Variants in LONRF2 observed in about 807,000 individuals in gnomAD.
LONRF2 encodes the protein LON peptidase N-terminal domain and RING finger protein 2.
In LONRF2, 35 loss-of-function variants were observed where a neutral mutation model predicts 66.6. The ratio of observed to expected loss-of-function variants is 0.53; its 90% CI spans 0.40 to 0.70. The LOEUF is 0.70. Ranked by LOEUF, LONRF2 falls within the 30% of genes least tolerant of loss-of-function variation. LONRF2 has a pLI of 0.00. For synonymous variants in LONRF2, 417 were observed against 418.1 expected, an observed-to-expected ratio of 1.00 and a Z score of 0.03; for missense variants, 902 against 1,002.1, an observed-to-expected ratio of 0.90 and a Z score of 1.35.
At position 100,290,150 on chromosome 2, in the gene LONRF2, A is replaced by C. The variant is rs1674929136; in HGVS notation, c.1920+108T>G. 14 of 1,023,962 alleles carry C rather than the reference A, an allele frequency of 1.4e-5. 1 individual carries two copies. The South Asian group carries it at 2.5e-4, about 18-fold the overall frequency. 63.4% of individuals were successfully genotyped at this position (1,023,962 alleles called of 1,614,324 possible). The stretch of plus-strand genomic sequence containing the variant: ...AAATAAATAACTTAAGTGATGAATT[A>C]AGGACTTAAGTAATATTGTCAGTAC... On this transcript the variant is annotated intron_variant, in intron 10 of 11. Coordinates refer to ENST00000393437, the MANE Select transcript of LONRF2 (RefSeq NM_198461.4).
At chr2:100,285,770 C>G (rs912905959) in intron 11 of LONRF2, among the ~76,000 whole-genome samples, 6 of 152,212 alleles carry the variant, frequency 3.9e-5, no homozygotes, top group Non-Finnish European at 8.8e-5. Context: ...CCCCCACAAC[C>G]TCCAAAGAGA....
chr2:100,312,106 T>G (rs1675421840), intron 1 of LONRF2, among the ~76,000 whole-genome samples: 1 of 152,164 alleles, frequency 6.6e-6, no homozygotes, highest in African/African-American at 2.4e-5. Flanking sequence ...AAGATGGAAA[T>G]TAGTCACTGA....
In LONRF2 at chr2:100,318,026, C is replaced by A. The variant is rs116294045; in HGVS notation, c.679+3389G>T. ...AGTTTCTCATCAGATTTGGAAAATT[C>A]TCAATTACTTTTTTCTTTAAATATT... On this transcript the variant is annotated intron_variant, in intron 1 of 11. Coordinates refer to ENST00000393437, the MANE Select transcript of LONRF2 (RefSeq NM_198461.4). Among the ~76,000 whole-genome samples, 822 of 152,304 alleles carry A rather than the reference C, an allele frequency of 5.4e-3. 7 individuals carry two copies. Among genetic ancestry groups the A allele is most frequent in the African/African-American group, 0.019 (786 of 41,576 alleles).
In LONRF2 at chr2:100,299,869, A is replaced by T; in HGVS notation, c.1115T>A (p.Leu372Ter). The T allele has an allele frequency of 6.2e-7, 1 of 1,612,590 alleles. No homozygotes were observed. ...DMLGNTNSSV[L>*]YFILGLHFEE... ...AAAGTGTAGACCCAGTATAAAATAC[A>T]AAACTGAAGAATTGGTATTTCCAAG... The change falls in exon 5 of 12, where the codon TTG (leucine) becomes TAG (stop). Residue 372 changes from leucine to a stop codon, truncating the protein, a stop_gained. Transcript: ENST00000393437. LOFTEE classifies it high-confidence loss of function.
At chr2:100,305,161 G>GAGATAGAC (rs1247948037) in intron 2 of LONRF2, among the ~76,000 whole-genome samples, 1 of 152,134 alleles carries the variant, frequency 6.6e-6, no homozygotes, top group Non-Finnish European at 1.5e-5. Flanking sequence ...TGCAGCTGTG[G>GAGATAGAC]AGATAGACAG....
At chr2:100,292,091 T>C (rs1240576503) in intron 9 of LONRF2, among the ~76,000 whole-genome samples, 4 of 152,236 alleles carry the variant, frequency 2.6e-5, no homozygotes, top group Non-Finnish European at 4.4e-5. Context: ...GCCACCTGGA[T>C]GCCTCTACTT....
chr2:100,321,994 A>C lies in LONRF2; in HGVS notation c.100T>G (p.Phe34Val). Reference protein sequence around the residue: ...AQRLEEGDEAFRAGDYEMAAE... With the variant: ...AQRLEEGDEAVRAGDYEMAAE... Reference sequence around the variant, plus strand: ...GCCATCTCGTAGTCGCCCGCGCGGAAGGCCTCGTCGCCCTCCTCTAAGCGC... The same window carrying C: ...GCCATCTCGTAGTCGCCCGCGCGGACGGCCTCGTCGCCCTCCTCTAAGCGC... Residue 34 changes from phenylalanine (F) to valine (V), a missense_variant, in exon 1 of 12, where the codon TTC (phenylalanine) becomes GTC (valine). By Grantham distance (50) the Phe-to-Val change is conservative (BLOSUM62 -1). Around this residue, in one of 2 missense-constraint regions of LONRF2, gnomAD observed 585 missense variants for 569.9 expected, o/e 1.03. Coordinates refer to ENST00000393437, the MANE Select transcript of LONRF2 (RefSeq NM_198461.4). The C allele has an allele frequency of 6.8e-7, 1 of 1,461,386 alleles. No individual in the cohort carries two copies. The highest frequency in any genetic ancestry group is 9.0e-7 in the Non-Finnish European group (1 of 1,108,284). The allele number at this position is 1,461,386 out of a possible 1,614,324, so 90.5% of individuals were successfully genotyped here. A position where few individuals can be genotyped will look rare whatever the true frequency, so the allele number is the denominator to read the frequency against.
chr2:100,283,350 A>AT lies in LONRF2; in HGVS notation c.*947dup, dbSNP rs1159210596. ...TAGATAGATTACCATGGCATGGCAGATTTTTTAATGTTTTTGTATATTAAT... is the reference window on the plus strand; with the variant it reads ...TAGATAGATTACCATGGCATGGCAGATTTTTTTAATGTTTTTGTATATTAAT... On this transcript the variant is annotated 3_prime_UTR_variant, in exon 12 of 12. Coordinates refer to ENST00000393437, the MANE Select transcript of LONRF2 (RefSeq NM_198461.4). 2 of 152,174 alleles carry AT rather than the reference A, an allele frequency of 1.3e-5. No individual in the cohort carries two copies. The highest frequency in any genetic ancestry group is 4.8e-5 in the African/African-American group (2 of 41,442). The allele number at this position is 152,174 out of a possible 1,614,324, so 9.4% of individuals were successfully genotyped here.
Position 100,304,625 on chromosome 2 carries a change from GT to G in LONRF2, c.799-1583del, listed in dbSNP as rs3039612. 1.1e-3 allele frequency among the ~76,000 whole-genome samples: 130 copies of G among 121,996 alleles called. 2 individuals carry two copies. The highest frequency in any genetic ancestry group is 4.4e-3 in the Middle Eastern group (1 of 226). The allele number at this position is 121,996 out of a possible 152,430, so 80.0% of individuals were successfully genotyped here. A position where few individuals can be genotyped will look rare whatever the true frequency, so the allele number is the denominator to read the frequency against. On this transcript the variant is annotated intron_variant, in intron 2 of 11. Transcript: ENST00000393437. ...CACTCAGAGACAATTTTAGTTGACT[GT>G]TTTTTTTTTTTTTTTGAGACAGAGT...
Position 100,311,588 on chromosome 2 carries a change from G to A in LONRF2, c.680-2363C>T, listed in dbSNP as rs143007177. ...AGTATTTATACTCCTATTTCCTCATGCTCTCATATTGCAATAATAGTGACA... is the reference window on the plus strand; with the variant it reads ...AGTATTTATACTCCTATTTCCTCATACTCTCATATTGCAATAATAGTGACA... On this transcript the variant is annotated intron_variant, in intron 1 of 11. Coordinates refer to ENST00000393437, the MANE Select transcript of LONRF2 (RefSeq NM_198461.4). Among the ~76,000 whole-genome samples, 412 of 152,084 alleles carry A rather than the reference G, an allele frequency of 2.7e-3. 2 individuals carry two copies. The highest frequency in any genetic ancestry group is 9.6e-3 in the African/African-American group (399 of 41,502).
chr2:100,298,963 A>G lies in LONRF2; in HGVS notation c.1362-13T>C, dbSNP rs746691084. On this transcript the variant is annotated splice_polypyrimidine_tract_variant and intron_variant, in intron 6 of 11. Transcript: ENST00000393437. ...TTCAAAGAGCAATCTGGAAGAAAAT[A>G]TCTGTTTTCAGCCAGAAATGTCCAG... The G allele has an allele frequency of 3.6e-5, 57 of 1,589,722 alleles. No homozygotes were observed. Among genetic ancestry groups the G allele is most frequent in the African/African-American group, 5.4e-5 (4 of 74,394 alleles).
intron 1 of LONRF2, among the ~76,000 whole-genome samples, chr2:100,312,185 T>C (rs1462994689): frequency 6.6e-6 from 1 of 152,180 alleles, no homozygotes; most frequent in Non-Finnish European, 1.5e-5. Context: ...GCATCTCAAT[T>C]TTTTTGAAGG....
At chr2:100,294,036 TGAAAG>T (rs1343879911) in intron 9 of LONRF2, among the ~76,000 whole-genome samples, 188 bp downstream of exon 9, 14 of 151,998 alleles carry the variant, frequency 9.2e-5, no homozygotes, top group Admixed American at 9.2e-4. Flanking sequence ...GTGTGATACT[TGAAAG>T]GAAGAGGTGG....
chr2:100,284,415 G>A lies in LONRF2; in HGVS notation c.2148C>T (p.Ile716=). ...GCTCTTTGAGCGAGGTCATGCCGAG[G>A]ATGGCCAGCTGAGCCTTGCGCTCCA... ...LPLERKAQLA[I]LGMTSLKERL... Residue 716 remains isoleucine, a synonymous_variant, in exon 12 of 12, where the codon ATC becomes ATT. Transcript: ENST00000393437. 1 of 1,606,910 alleles carries A rather than the reference G, an allele frequency of 6.2e-7. No homozygotes were observed. The highest frequency in any genetic ancestry group is 8.5e-7 in the Non-Finnish European group (1 of 1,176,984).
chr2:100,284,314 C>A lies in LONRF2; in HGVS notation c.2249G>T (p.Arg750Met). The A allele has an allele frequency of 1.3e-6, 2 of 1,547,948 alleles. No homozygotes were observed. Among genetic ancestry groups the A allele is most frequent in the East Asian group, 4.7e-5 (2 of 42,562 alleles). Residue 750 changes from arginine to methionine, a missense_variant, in exon 12 of 12, where the codon AGG (arginine) becomes ATG (methionine). Physicochemically the swap from Arg to Met is moderately conservative, Grantham distance 91 (BLOSUM62 -1). Transcript: ENST00000393437. ...AGAGAAAAATCAATTATTTCTCTCC[C>A]TGGCATTAGCCAGCTCTTGCCGACT... is the stretch of plus-strand genomic sequence containing the variant. ...MNSRQELANA[R>M]ERNN
At chr2:100,298,746 T>C (rs903388545) in intron 7 of LONRF2, 90 bp downstream of exon 7, 1 of 866,830 alleles carries the variant, frequency 1.2e-6, no homozygotes, top group South Asian at 1.5e-5. Context: ...CTTTAACAAC[T>C]GGGTGGGGGA....
intron 7 of LONRF2, among the ~76,000 whole-genome samples, chr2:100,298,288 T>C (rs1311662711): frequency 2.6e-5 from 4 of 152,254 alleles, no homozygotes; most frequent in African/African-American, 9.6e-5. Context: ...ATATTGGGGC[T>C]AAATATCATT....
intron 2 of LONRF2, among the ~76,000 whole-genome samples, chr2:100,308,240 C>G (rs892515661): frequency 6.6e-6 from 1 of 151,974 alleles, no homozygotes; most frequent in Non-Finnish European, 1.5e-5. Flanking sequence ...TGTGGTAGCA[C>G]GCACCTGTAG....
intron 7 of LONRF2, among the ~76,000 whole-genome samples, chr2:100,297,930 TATCTC>T (rs1675105247): frequency 1.3e-5 from 2 of 152,254 alleles, no homozygotes; most frequent in Non-Finnish European, 2.9e-5. Flanking sequence ...TTAAGTATAA[TATCTC>T]ATCTTATCAC....
Sources: allele counts gnomAD v4.1 joint callset (sites outside exome capture counted in the v4.1 genomes callset), GRCh38; gene constraint gnomAD v4.1.1; regional missense constraint gnomAD v4.1.1; transcripts MANE v1.5; gene names NCBI Gene and HGNC (gene_info 2026-07-23, HGNC 2026-07-21).